DTNA: variants seen among roughly 807,000 people sequenced by gnomAD.
The protein encoded by DTNA is dystrobrevin alpha.
In DTNA, 43 loss-of-function variants were observed where a neutral mutation model predicts 100.7. That is an observed-to-expected ratio of 0.43 (90% CI 0.33 to 0.55). DTNA has a LOEUF of 0.55. Among genes scored for constraint, DTNA ranks in the 20% least tolerant of loss-of-function variants. The pLI, the probability that DTNA is intolerant of heterozygous loss-of-function variation, is 0.04. For synonymous variants in DTNA, 349 were observed against 347.9 expected (o/e 1.00, Z -0.04); for missense variants, 798 against 953.9 (o/e 0.84, Z 2.15).
chr18:34,550,364 G>A (rs989654811), intron 1 of DTNA, among the ~76,000 whole-genome samples: 16 of 152,116 alleles, frequency 1.1e-4, no homozygotes, highest in Non-Finnish European at 1.6e-4. Context: ...ATTGATTTTC[G>A]GCTAGGGGAT....
At chr18:34,757,942 T>C (rs1283369315) in intron 2 of DTNA, among the ~76,000 whole-genome samples, 4 of 152,234 alleles carry the variant, frequency 2.6e-5, no homozygotes, top group African/African-American at 9.6e-5. Context: ...ACGTCTGACC[T>C]TAATAATTCA....
chr18:34,596,933 A>G (rs1162113374), intron 1 of DTNA, among the ~76,000 whole-genome samples: 1 of 152,022 alleles, frequency 6.6e-6, no homozygotes, highest in Non-Finnish European at 1.5e-5. Flanking sequence ...TACATGTGCC[A>G]TGGTGGTTTG....
intron 3 of DTNA, among the ~76,000 whole-genome samples, chr18:34,769,882 C>A (rs916988303): frequency 1.3e-5 from 2 of 151,260 alleles, no homozygotes; most frequent in African/African-American, 4.9e-5. Flanking sequence ...CCACCACGCC[C>A]AGCTAATTTT....
At chr18:34,631,603 A>G (rs1364973675) in intron 1 of DTNA, among the ~76,000 whole-genome samples, 1 of 152,222 alleles carries the variant, frequency 6.6e-6, no homozygotes, top group Non-Finnish European at 1.5e-5. Flanking sequence ...AAATACAATG[A>G]CGTAGTCATG....
chr18:34,766,616 T>C (rs2093487237), intron 3 of DTNA, among the ~76,000 whole-genome samples: 1 of 152,142 alleles, frequency 6.6e-6, no homozygotes, highest in Non-Finnish European at 1.5e-5. Context: ...GGCACATGTA[T>C]ACATATGTAA....
chr18:34,684,512 G>A (rs1468163192), intron 1 of DTNA, among the ~76,000 whole-genome samples: 1 of 152,120 alleles, frequency 6.6e-6, no homozygotes, highest in Non-Finnish European at 1.5e-5. Flanking sequence ...ATTCCATGGT[G>A]TATTTGTGTC....
chr18:34,597,773 C>A (rs546215890), intron 1 of DTNA, among the ~76,000 whole-genome samples: 1 of 151,380 alleles, frequency 6.6e-6, no homozygotes, highest in Non-Finnish European at 1.5e-5. Context: ...CCCACCGCCC[C>A]CCGCCCCCCC....
chr18:34,889,291 T>A lies in DTNA; in HGVS notation c.*1557T>A, dbSNP rs578089016. On this transcript the variant is annotated 3_prime_UTR_variant, in exon 23 of 23. Coordinates refer to ENST00000444659, the MANE Select transcript of DTNA (RefSeq NM_001386795.1). ...GCAGCATCTGCAACACTTAGGAAGG[T>A]CTTCGAAATACTAATTTGTAAGCCC... is the stretch of plus-strand genomic sequence containing the variant. 6 of 983,276 alleles carry A rather than the reference T, an allele frequency of 6.1e-6. No individual in the cohort carries two copies. In the African/African-American group the frequency reaches 8.7e-5, roughly 14 times the overall value. The allele number at this position is 983,276 out of a possible 1,614,324, so 60.9% of individuals were successfully genotyped here. A position where few individuals can be genotyped will look rare whatever the true frequency, so the allele number is the denominator to read the frequency against.
At chr18:34,657,018 A>T (rs1421326475) in intron 1 of DTNA, among the ~76,000 whole-genome samples, 3 of 152,058 alleles carry the variant, frequency 2.0e-5, no homozygotes, top group Non-Finnish European at 4.4e-5. Flanking sequence ...CTGGGACTAC[A>T]GGTGTGCACC....
intron 16 of DTNA, among the ~76,000 whole-genome samples, chr18:34,861,911 G>A (rs1033503411): frequency 6.6e-6 from 1 of 152,054 alleles, no homozygotes; most frequent in Non-Finnish European, 1.5e-5. Context: ...ACCAGTTAAC[G>A]TTCTCTGATA....
At chr18:34,688,332 G>A (rs937423971) in intron 1 of DTNA, among the ~76,000 whole-genome samples, 1 of 152,150 alleles carries the variant, frequency 6.6e-6, no homozygotes. Flanking sequence ...TGTAAGGCAG[G>A]CCTGATGGTG....
chr18:34,746,512 T>C (rs1235221024), intron 1 of DTNA, among the ~76,000 whole-genome samples: 1 of 152,100 alleles, frequency 6.6e-6, no homozygotes, highest in Non-Finnish European at 1.5e-5. Context: ...GATGCACACA[T>C]GTACACAGTC....
At chr18:34,552,529 T>A (rs1221532537) in intron 1 of DTNA, among the ~76,000 whole-genome samples, 1 of 76,272 alleles carries the variant, frequency 1.3e-5, no homozygotes, top group African/African-American at 4.4e-5. Flanking sequence ...CCCTCCCCCC[T>A]CCCCCCACCC....
intron 1 of DTNA, among the ~76,000 whole-genome samples, chr18:34,693,985 T>C (rs1342888006): frequency 1.3e-5 from 2 of 152,200 alleles, no homozygotes; most frequent in Non-Finnish European, 2.9e-5. Flanking sequence ...GGTATATGTC[T>C]TTGGTCTACT....
intron 1 of DTNA, among the ~76,000 whole-genome samples, chr18:34,559,253 T>C (rs2046411149): frequency 6.6e-6 from 1 of 152,258 alleles, no homozygotes. Context: ...GTTTCAAAGT[T>C]ATTTAAAATT....
intron 1 of DTNA, among the ~76,000 whole-genome samples, chr18:34,513,157 C>T (rs2041257264): frequency 6.6e-6 from 1 of 152,096 alleles, no homozygotes. Context: ...TCCATTAAAA[C>T]TGCCAAGGTG....
intron 1 of DTNA, among the ~76,000 whole-genome samples, chr18:34,697,371 C>T (rs188996993): frequency 2.6e-5 from 4 of 152,308 alleles, no homozygotes; most frequent in Admixed American, 6.5e-5. Flanking sequence ...AAAATACCTA[C>T]ATAACTGCCT....
intron 3 of DTNA, among the ~76,000 whole-genome samples, chr18:34,785,385 A>G (rs1252725024): frequency 1.3e-5 from 2 of 152,232 alleles, no homozygotes; most frequent in Admixed American, 1.3e-4. Context: ...CAAAGAATTG[A>G]AAGAATTTTT....
intron 13 of DTNA, among the ~76,000 whole-genome samples, chr18:34,840,211 T>C (rs1208489111): frequency 6.6e-6 from 1 of 152,164 alleles, no homozygotes; most frequent in East Asian, 1.9e-4. Context: ...AAAAATGCAC[T>C]CTTTGGCTGA....
Sources: gnomAD v4.1 joint callset for allele counts (sites outside exome capture counted in the v4.1 genomes callset) on GRCh38, gnomAD v4.1.1 for gene constraint, MANE v1.5 for transcripts, NCBI Gene and HGNC (gene_info 2026-07-23, HGNC 2026-07-21) for gene names.